SENP1: variants seen among roughly 807,000 people sequenced by gnomAD.
SENP1 encodes the protein SUMO specific peptidase 1.
A neutral mutation model predicts 93.0 loss-of-function variants in SENP1; 21 were observed. The ratio of observed to expected loss-of-function variants is 0.23; its 90% CI spans 0.16 to 0.33. The LOEUF (loss-of-function observed/expected upper bound fraction) is 0.33. SENP1 is among the 10% of genes least tolerant of loss of function. The pLI is 1.00. For missense variants in SENP1, 591 were observed against 758.7 expected (o/e 0.78, Z 2.60); for synonymous variants, 256 against 259.6 (o/e 0.99, Z 0.13).
chr12:48,087,378 T>G (rs1243431022), intron 5 of SENP1, among the ~76,000 whole-genome samples: 1 of 152,264 alleles, frequency 6.6e-6, no homozygotes, highest in Non-Finnish European at 1.5e-5. Context: ...AAAGTATTTG[T>G]ACTACTTCTG....
In SENP1 at chr12:48,074,314, C is replaced by A. The variant is rs1284508003; in HGVS notation, c.940+10G>T. ...GGACTAAAAATGTAGTTATATGATA[C>A]CATGTTTACCTTCAGATTGTGTATT... is the stretch of plus-strand genomic sequence containing the variant. On this transcript the variant is annotated intron_variant, in intron 8 of 17. Transcript: ENST00000549518. 1 of 1,602,042 alleles carries A rather than the reference C, an allele frequency of 6.2e-7. No individual in the cohort carries two copies. Among genetic ancestry groups the A allele is most frequent in the Non-Finnish European group, 8.5e-7 (1 of 1,171,950 alleles).
intron 5 of SENP1, among the ~76,000 whole-genome samples, chr12:48,087,544 G>A (rs1186601777): frequency 1.3e-5 from 2 of 152,160 alleles, no homozygotes; most frequent in Non-Finnish European, 2.9e-5. Context: ...GAGTAAGAAA[G>A]AGTAAGAGAG....
At position 48,088,853 on chromosome 12, in the gene SENP1, G is replaced by C. The variant is rs79873676; in HGVS notation, c.328C>G (p.Gln110Glu). The C allele has an allele frequency of 2.5e-6, 4 of 1,607,892 alleles. No individual in the cohort carries two copies. In the South Asian group the frequency reaches 4.5e-5, roughly 18 times the overall value. ...AGACTTCGGCTGTTTCTTGATTTTTGTAAAGATGAGCTTGACGATGGGGTA... is the reference window on the plus strand; with the variant it reads ...AGACTTCGGCTGTTTCTTGATTTTTCTAAAGATGAGCTTGACGATGGGGTA... Reference protein sequence around the residue: ...NSTPSSSSSLQKSRNSRSLYL... With the variant: ...NSTPSSSSSLEKSRNSRSLYL... The change falls in exon 5 of 18, where the codon CAA (glutamine) becomes GAA (glutamate). Residue 110 changes from glutamine (Q) to glutamate (E), a missense_variant. By Grantham distance (29) the Gln-to-Glu change is conservative. Around this residue, in one of 4 missense-constraint regions of SENP1, gnomAD observed 214 missense variants for 243.4 expected, o/e 0.88. Transcript: ENST00000549518.
intron 13 of SENP1, among the ~76,000 whole-genome samples, chr12:48,056,021 T>G (rs1335204283): frequency 3.9e-5 from 5 of 128,054 alleles, no homozygotes; most frequent in African/African-American, 6.2e-5. Flanking sequence ...AATATATAAC[T>G]TAATATACTT....
chr12:48,100,686 G>A (rs1159809083), intron 2 of SENP1, among the ~76,000 whole-genome samples: 1 of 151,710 alleles, frequency 6.6e-6, no homozygotes, highest in Non-Finnish European at 1.5e-5. Context: ...GAAAACTCTA[G>A]AACCAGAGTG....
At chr12:48,078,317 T>TTATATATATATATATATATATATA (rs370021236) in intron 6 of SENP1, among the ~76,000 whole-genome samples, 4,833 of 69,622 alleles carry the variant, frequency 0.069, 589 homozygotes, top group South Asian at 0.1. Flanking sequence ...CTGTAGGATT[T>TTATATATATATATATATATATATA]TATATATATA....
intron 9 of SENP1, 59 bp from the exon 10 acceptor site, chr12:48,067,024 AT>A (rs1213581887): frequency 1.8e-6 from 2 of 1,105,434 alleles, no homozygotes; most frequent in East Asian, 2.6e-5. Flanking sequence ...GAAAATTAAA[AT>A]ATTTTCATCA....
chr12:48,088,721 A>C (rs1945042385), intron 5 of SENP1, 80 bp downstream of exon 5: 4 of 1,316,180 alleles, frequency 3.0e-6, no homozygotes, highest in Non-Finnish European at 3.2e-6. Context: ...TAAAATCCCA[A>C]TGTAATAACT....
At chr12:48,067,613 A>T (rs1458428091) in intron 9 of SENP1, among the ~76,000 whole-genome samples, 1 of 152,214 alleles carries the variant, frequency 6.6e-6, no homozygotes, top group Non-Finnish European at 1.5e-5. Context: ...AAGAGTGAAC[A>T]CTTTTCCAAA....
At chr12:48,079,381 C>G (rs1440913884) in intron 6 of SENP1, among the ~76,000 whole-genome samples, 1 of 151,846 alleles carries the variant, frequency 6.6e-6, no homozygotes, top group Non-Finnish European at 1.5e-5. Context: ...CGCCTGTAGT[C>G]CCAGCTACTC....
intron 4 of SENP1, among the ~76,000 whole-genome samples, chr12:48,091,885 T>G (rs562556514): frequency 6.6e-6 from 1 of 152,266 alleles, no homozygotes; most frequent in East Asian, 1.9e-4. Flanking sequence ...CTCAGTACGT[T>G]GCCTGGGCTG....
chr12:48,105,922 C>A lies in SENP1; in HGVS notation c.-45+106G>T, dbSNP rs1026076581. The A allele has an allele frequency of 7.4e-4, 487 of 662,524 alleles. 1 individual carries two copies. In the East Asian group the frequency reaches 0.013, roughly 18 times the overall value. 41.0% of individuals were successfully genotyped at this position (662,524 alleles called of 1,614,324 possible). A position where few individuals can be genotyped will look rare whatever the true frequency, so the allele number is the denominator to read the frequency against. The stretch of plus-strand genomic sequence containing the variant: ...AAGGCGCCGGCCCCACAGTGCTCCC[C>A]GCTTCCGCCCAGTCCAGCCCGGGCC... On this transcript the variant is annotated intron_variant, in intron 1 of 17. Coordinates refer to ENST00000549518, the MANE Select transcript of SENP1 (RefSeq NM_001267594.2).
At chr12:48,077,033 TA>T (rs1455504669) in intron 6 of SENP1, among the ~76,000 whole-genome samples, 2 of 152,236 alleles carry the variant, frequency 1.3e-5, no homozygotes, top group African/African-American at 2.4e-5. Context: ...TGTCCATTTG[TA>T]CCCAATGTTT....
chr12:48,098,009 C>G lies in SENP1; in HGVS notation c.120G>C (p.Ser40=). The G allele has an allele frequency of 1.9e-6, 3 of 1,613,454 alleles. No homozygotes were observed. The highest frequency in any genetic ancestry group is 2.5e-6 in the Non-Finnish European group (3 of 1,179,658). The change falls in exon 3 of 18, where the codon TCG becomes TCC. Residue 40 remains serine (S), a synonymous_variant. Transcript: ENST00000549518. ...TGCTCCTAACCTGCTGGTCAGAAAGCGAAAGCTGGTCCTCTGGAAAACCTG... is the reference window on the plus strand; with the variant it reads ...TGCTCCTAACCTGCTGGTCAGAAAGGGAAAGCTGGTCCTCTGGAAAACCTG... ...PQTGFPEDQL[S]LSDQQILSSR... is the part of the protein sequence containing the mutation.
At chr12:48,090,745 T>C (rs778866571) in intron 4 of SENP1, among the ~76,000 whole-genome samples, 2 of 152,062 alleles carry the variant, frequency 1.3e-5, no homozygotes, top group Non-Finnish European at 2.9e-5. Flanking sequence ...CACAGGTGCA[T>C]ACCATCATAC....
chr12:48,098,185 A>C (rs1945690737), intron 2 of SENP1, 61 bp from the exon 3 acceptor site: 1 of 1,535,234 alleles, frequency 6.5e-7, no homozygotes, highest in African/African-American at 1.4e-5. Context: ...TTTTCCTATG[A>C]ACCAATCTTT....
At chr12:48,054,127 T>C (rs1477585667) in intron 13 of SENP1, among the ~76,000 whole-genome samples, 1 of 152,098 alleles carries the variant, frequency 6.6e-6, no homozygotes, top group Non-Finnish European at 1.5e-5. Context: ...TGTACAAACA[T>C]TTGGGTGCAT....
At position 48,066,861 on chromosome 12, in the gene SENP1, T is replaced by C. The variant is rs1348689515; in HGVS notation, c.1034+66A>G. On this transcript the variant is annotated intron_variant, in intron 10 of 17. Coordinates refer to ENST00000549518, the MANE Select transcript of SENP1 (RefSeq NM_001267594.2). ...AAAATAAGCAGGATGATTAGCTAAT[T>C]GTTTGATTTCTTCTAACTAAAAATG... 3.3e-5 allele frequency: 41 copies of C among 1,255,414 alleles called. No homozygotes were observed. In the Middle Eastern group the frequency reaches 5.5e-4, roughly 17 times the overall value. 77.8% of individuals were successfully genotyped at this position (1,255,414 alleles called of 1,614,324 possible).
intron 9 of SENP1, among the ~76,000 whole-genome samples, chr12:48,067,994 G>A (rs1943413536): frequency 6.6e-6 from 1 of 152,054 alleles, no homozygotes; most frequent in African/African-American, 2.4e-5. Context: ...CTGAGTAGCT[G>A]GGATTACAGG....
Sources: allele counts gnomAD v4.1 joint callset (sites outside exome capture counted in the v4.1 genomes callset), GRCh38; gene constraint gnomAD v4.1.1; regional missense constraint gnomAD v4.1.1; transcripts MANE v1.5; gene names NCBI Gene and HGNC (gene_info 2026-07-23, HGNC 2026-07-21).